VPS13B: variants seen among roughly 807,000 people sequenced by gnomAD.
VPS13B encodes the protein vacuolar protein sorting 13 homolog B, also known as intermembrane lipid transfer protein VPS13B.
Under a neutral mutation model 426.4 loss-of-function variants are expected in VPS13B, and 285 were observed. The ratio of observed to expected loss-of-function variants is 0.67; its 90% confidence interval spans 0.61 to 0.74. The LOEUF (loss-of-function observed/expected upper bound fraction) is 0.74, where lower values mean the gene tolerates loss of function less well. Among genes scored for constraint, VPS13B ranks in the 30% least tolerant of loss-of-function variants. The pLI, the probability that VPS13B is intolerant of heterozygous loss-of-function variation, is 0.00. For synonymous variants in VPS13B, 1,676 were observed against 1,676.4 expected, an observed-to-expected ratio of 1.00 and a Z score of 0.01; for missense variants, 4,537 against 4,782.6, an observed-to-expected ratio of 0.95 and a Z score of 1.51.
chr8:99,568,290 A>ATTC lies in VPS13B; in HGVS notation c.4950-7366_4950-7365insCTT, dbSNP rs1473330895. Among the ~76,000 whole-genome samples the ATTC allele has an allele frequency of 1.8e-4, 20 of 109,892 alleles. No homozygotes were observed. The South Asian group carries it at 5.1e-3, about 28-fold the overall frequency. The allele number at this position is 109,892 out of a possible 152,430, so 72.1% of individuals were successfully genotyped here. On this transcript the variant is annotated intron_variant, in intron 31 of 61. Transcript: ENST00000357162. Reference sequence around the variant, plus strand: ...TATACCGATAACTATTATTATTATTATTATTATTATTTTTTTTTGAGACGG... The same window carrying ATTC: ...TATACCGATAACTATTATTATTATTATTCTTATTATTATTTTTTTTTGAGACGG...
chr8:99,843,751 T>G (rs7002078), intron 54 of VPS13B, among the ~76,000 whole-genome samples: 5,264 of 152,290 alleles, frequency 0.035, 292 homozygotes, highest in African/African-American at 0.12. Flanking sequence ...GTCCTTCAGG[T>G]TCCTGGCTCC....
rs757950339 is a variant in VPS13B, at chr8:99,096,426, C to T, written c.406C>T (p.Pro136Ser). ...GGCTGCTCCTACAGATCCTGACTTA[C>T]CACCAGGTAACTTCTAATGGGATCA... ...QQAAPTDPDLPPGYVQSLIRR... is the reference protein window; with the variant it reads ...QQAAPTDPDLSPGYVQSLIRR... Residue 136 changes from proline (P) to serine (S), a missense_variant, in exon 4 of 62, where the codon CCA becomes TCA. Coordinates refer to ENST00000357162, the MANE Select transcript of VPS13B (RefSeq NM_152564.5). 1.1e-5 allele frequency: 18 copies of T among 1,613,856 alleles called. No homozygotes were observed. Among genetic ancestry groups the T allele is most frequent in the Admixed American group, 1.7e-5 (1 of 59,972 alleles).
intron 21 of VPS13B, among the ~76,000 whole-genome samples, chr8:99,399,859 A>G (rs1377548703): frequency 6.6e-6 from 1 of 152,096 alleles, no homozygotes; most frequent in African/African-American, 2.4e-5. Context: ...GGGTTTATCT[A>G]TTTTTATTTT....
intron 17 of VPS13B, among the ~76,000 whole-genome samples, chr8:99,264,550 A>G (rs1481769287): frequency 6.6e-6 from 1 of 152,008 alleles, no homozygotes; most frequent in East Asian, 1.9e-4. Context: ...GCATCACATT[A>G]TTGTCTTCTT....
intron 2 of VPS13B, among the ~76,000 whole-genome samples, chr8:99,033,193 G>A (rs780090941): frequency 6.6e-6 from 1 of 152,132 alleles, no homozygotes; most frequent in African/African-American, 2.4e-5. Flanking sequence ...TCAGCCTAAT[G>A]AACTTCCTTT....
At chr8:99,700,477 AG>A (rs1832220556) in intron 36 of VPS13B, among the ~76,000 whole-genome samples, 1 of 152,272 alleles carries the variant, frequency 6.6e-6, no homozygotes, top group Non-Finnish European at 1.5e-5. Context: ...GTGTTGTGGC[AG>A]ATATGCTACA....
chr8:99,373,381 A>T (rs548326098), intron 19 of VPS13B, among the ~76,000 whole-genome samples: 1 of 133,876 alleles, frequency 7.5e-6, no homozygotes, highest in East Asian at 2.3e-4. Context: ...AAAGCTGTCT[A>T]TAATTATCTT....
At chr8:99,283,589 CA>C (rs1819276063) in intron 19 of VPS13B, among the ~76,000 whole-genome samples, 1 of 152,082 alleles carries the variant, frequency 6.6e-6, no homozygotes, top group Non-Finnish European at 1.5e-5. Flanking sequence ...TTCTCCAGTC[CA>C]AGCCCTTTGG....
chr8:99,039,826 A>C (rs1037016831), intron 3 of VPS13B, among the ~76,000 whole-genome samples: 1 of 152,200 alleles, frequency 6.6e-6, no homozygotes, highest in African/African-American at 2.4e-5. Context: ...CGTATTATCC[A>C]ATTTAACTTA....
At chr8:99,278,636 G>A (rs1219624998) in intron 19 of VPS13B, among the ~76,000 whole-genome samples, 1 of 152,118 alleles carries the variant, frequency 6.6e-6, no homozygotes, top group Non-Finnish European at 1.5e-5. Context: ...GTTGGGTGTT[G>A]GGCTGTTTAT....
At chr8:99,364,729 G>A (rs376680971) in intron 19 of VPS13B, among the ~76,000 whole-genome samples, 8 of 152,086 alleles carry the variant, frequency 5.3e-5, no homozygotes, top group South Asian at 2.1e-4. Context: ...CACTGCGCCC[G>A]TTGTAGTTTT....
At chr8:99,301,634 G>C (rs1216780638) in intron 19 of VPS13B, among the ~76,000 whole-genome samples, 2 of 151,912 alleles carry the variant, frequency 1.3e-5, no homozygotes, top group Non-Finnish European at 2.9e-5. Flanking sequence ...TAATGGAACG[G>C]GAGCTTATTC....
chr8:99,772,153 T>C (rs1424886940), intron 40 of VPS13B, among the ~76,000 whole-genome samples: 1 of 152,148 alleles, frequency 6.6e-6, no homozygotes, highest in Middle Eastern at 3.2e-3. Context: ...ATGGTACTTA[T>C]GAGCTCTCTA....
rs1234311760 is a variant in VPS13B at position 99,823,835 on chromosome 8, T to C, written c.9187T>C (p.Cys3063Arg). The C allele has an allele frequency of 3.7e-6, 6 of 1,613,378 alleles. No individual in the cohort carries two copies. The highest frequency in any genetic ancestry group is 5.1e-6 in the Non-Finnish European group (6 of 1,179,786). Residue 3063 changes from cysteine to arginine, a missense_variant, in exon 51 of 62, where the codon TGT (cysteine) becomes CGT (arginine). By Grantham distance (180) the Cys-to-Arg change is radical. This residue lies in a region of VPS13B where 4,311 missense variants were observed against 4,474.3 expected (regional missense o/e 0.96). Coordinates refer to ENST00000357162, the MANE Select transcript of VPS13B (RefSeq NM_152564.5). ...LGAFPGHQKL[C>R]QFCISSMVQQ... ...TTTTTTCTCAATTATCTTGTAGTTA[T>C]GTCAGTTCTGCATTTCCTCCATGGT... is the stretch of plus-strand genomic sequence containing the variant.
Position 99,056,572 on chromosome 8 carries a change from G to C in VPS13B, c.291+18006G>C, listed in dbSNP as rs915656412. 9.2e-5 allele frequency among the ~76,000 whole-genome samples: 14 copies of C among 152,250 alleles called. No individual in the cohort carries two copies. In the East Asian group the frequency reaches 9.7e-4, roughly 11 times the overall value. On this transcript the variant is annotated intron_variant, in intron 3 of 61. Transcript: ENST00000357162. ...TCTAGTACAGTGTTTAATAGCAGTG[G>C]TGAAAATGGGCATCCTTGTCTTGTT...
chr8:99,499,105 T>C (rs867057721), intron 25 of VPS13B, among the ~76,000 whole-genome samples: 9 of 152,220 alleles, frequency 5.9e-5, no homozygotes, highest in Middle Eastern at 3.4e-3. Flanking sequence ...ATTTGGTCAA[T>C]TTGCAACAAA....
chr8:99,193,184 T>G (rs1813703370), intron 17 of VPS13B, 127 bp downstream of exon 17: 2 of 951,566 alleles, frequency 2.1e-6, no homozygotes, highest in Non-Finnish European at 3.1e-6. Flanking sequence ...TGAATGTAGA[T>G]ATTTATAGCT....
intron 17 of VPS13B, among the ~76,000 whole-genome samples, chr8:99,250,376 A>G (rs1009855114): frequency 6.6e-6 from 1 of 152,086 alleles, no homozygotes; most frequent in African/African-American, 2.4e-5. Context: ...TGATGAGGCC[A>G]ATTTTTTTCT....
intron 30 of VPS13B, among the ~76,000 whole-genome samples, chr8:99,539,570 A>G (rs1189285494): frequency 6.6e-6 from 1 of 152,098 alleles, no homozygotes. Flanking sequence ...GCAAAACAAG[A>G]CCCTGTCTCT....
Sources: allele counts gnomAD v4.1 joint callset (sites outside exome capture counted in the v4.1 genomes callset), GRCh38; gene constraint gnomAD v4.1.1; regional missense constraint gnomAD v4.1.1; transcripts MANE v1.5; gene names NCBI Gene and HGNC (gene_info 2026-07-23, HGNC 2026-07-21).